Variants in FBXL17 observed in about 807,000 individuals in gnomAD.
FBXL17 encodes the protein F-box and leucine rich repeat protein 17.
Under a neutral mutation model 66.2 loss-of-function variants are expected in FBXL17, and 22 were observed. That is an observed-to-expected ratio of 0.33 (90% CI 0.24 to 0.47). The LOEUF (loss-of-function observed/expected upper bound fraction) is 0.47, where lower values mean the gene tolerates loss of function less well. Among genes scored for constraint, FBXL17 ranks in the 20% least tolerant of loss-of-function variants. FBXL17 has a pLI of 1.00. For missense variants in FBXL17, 878 were observed against 948.2 expected, an observed-to-expected ratio of 0.93 and a Z score of 0.97; for synonymous variants, 474 against 400.5, an observed-to-expected ratio of 1.18 and a Z score of -2.19.
chr5:108,220,261 C>T (rs1200028708), intron 5 of FBXL17, among the ~76,000 whole-genome samples: 1 of 152,096 alleles, frequency 6.6e-6, no homozygotes, highest in African/African-American at 2.4e-5. Context: ...ATTCAGTCCT[C>T]TGAAATCTGG....
At chr5:108,148,570 A>G (rs944603948) in intron 6 of FBXL17, among the ~76,000 whole-genome samples, 6 of 152,258 alleles carry the variant, frequency 3.9e-5, no homozygotes, top group Admixed American at 1.3e-4. Context: ...CAAGTCATAG[A>G]GGAATACACA....
At chr5:108,052,067 C>A (rs187993648) in intron 6 of FBXL17, among the ~76,000 whole-genome samples, 8 of 138,172 alleles carry the variant, frequency 5.8e-5, no homozygotes, top group East Asian at 4.4e-4. Flanking sequence ...GAGCCGAGAT[C>A]GTGCCACTGC....
chr5:108,241,966 A>T (rs1755872120), intron 4 of FBXL17, among the ~76,000 whole-genome samples: 1 of 152,156 alleles, frequency 6.6e-6, no homozygotes, highest in Non-Finnish European at 1.5e-5. Flanking sequence ...TCCCAGACCG[A>T]CAAAAGCTGA....
intron 1 of FBXL17, among the ~76,000 whole-genome samples, chr5:108,376,106 T>C (rs1749404286): frequency 6.6e-6 from 1 of 152,162 alleles, no homozygotes; most frequent in Non-Finnish European, 1.5e-5. Context: ...TTCAGAAATA[T>C]AGGAATAAAA....
At chr5:107,955,817 G>T (rs1404925342) in intron 7 of FBXL17, among the ~76,000 whole-genome samples, 2 of 152,092 alleles carry the variant, frequency 1.3e-5, no homozygotes, top group Non-Finnish European at 2.9e-5. Context: ...AATAAGTTGT[G>T]TCTACTAATT....
At chr5:108,305,835 C>T (rs928388521) in intron 4 of FBXL17, among the ~76,000 whole-genome samples, 3 of 152,184 alleles carry the variant, frequency 2.0e-5, no homozygotes, top group African/African-American at 7.2e-5. Flanking sequence ...AACATCCATC[C>T]GTTTTATCAC....
chr5:108,173,379 C>G (rs1752678825), intron 6 of FBXL17, among the ~76,000 whole-genome samples: 1 of 151,412 alleles, frequency 6.6e-6, no homozygotes, highest in South Asian at 2.1e-4. Context: ...GCACATGTAC[C>G]CTAGAACTTA....
chr5:108,221,574 A>G (rs1337388354), intron 5 of FBXL17, among the ~76,000 whole-genome samples: 1 of 152,164 alleles, frequency 6.6e-6, no homozygotes, highest in African/African-American at 2.4e-5. Context: ...TGTATTAAAG[A>G]GATTTTCTAA....
chr5:108,370,667 TG>T (rs1461437614), intron 1 of FBXL17, among the ~76,000 whole-genome samples: 1 of 151,070 alleles, frequency 6.6e-6, no homozygotes, highest in East Asian at 1.9e-4. Flanking sequence ...CATTTGAACC[TG>T]GAAGGCGAAG....
chr5:107,914,583 G>C (rs532481205), intron 7 of FBXL17, among the ~76,000 whole-genome samples: 1 of 152,208 alleles, frequency 6.6e-6, no homozygotes, highest in Non-Finnish European at 1.5e-5. Context: ...AAGCACACTT[G>C]TGTATTCCAT....
intron 6 of FBXL17, among the ~76,000 whole-genome samples, chr5:108,172,225 T>C (rs1236431467): frequency 6.6e-6 from 1 of 152,194 alleles, no homozygotes. Context: ...TCTGAGCTTA[T>C]TCACATGTTG....
intron 3 of FBXL17, among the ~76,000 whole-genome samples, chr5:108,358,306 T>C (rs1748125484): frequency 6.6e-6 from 1 of 152,172 alleles, no homozygotes; most frequent in Non-Finnish European, 1.5e-5. Flanking sequence ...ATGTCAGCTG[T>C]GGGTTTGTCA....
intron 4 of FBXL17, among the ~76,000 whole-genome samples, chr5:108,250,423 ATAAT>A (rs1258447910): frequency 6.6e-6 from 1 of 152,146 alleles, no homozygotes; most frequent in Non-Finnish European, 1.5e-5. Flanking sequence ...AAGGCAATAA[ATAAT>A]TATTAATAAT....
chr5:108,283,607 T>C (rs541983387), intron 4 of FBXL17, among the ~76,000 whole-genome samples: 2 of 151,992 alleles, frequency 1.3e-5, no homozygotes, highest in African/African-American at 4.8e-5. Context: ...AAAACTCTTC[T>C]GGACATTGAT....
chr5:107,870,714 T>C (rs1369427105), intron 8 of FBXL17, among the ~76,000 whole-genome samples: 2 of 151,860 alleles, frequency 1.3e-5, no homozygotes, highest in Non-Finnish European at 2.9e-5. Context: ...GCCTCCCAAG[T>C]AGCTGGGACT....
intron 6 of FBXL17, among the ~76,000 whole-genome samples, chr5:108,103,659 T>A (rs983966623): frequency 2.6e-5 from 4 of 152,230 alleles, no homozygotes; most frequent in African/African-American, 7.2e-5. Flanking sequence ...CTTTTTATTT[T>A]TCAACTGTTT....
chr5:108,134,386 T>A (rs983255209), intron 6 of FBXL17, among the ~76,000 whole-genome samples: 1 of 152,212 alleles, frequency 6.6e-6, no homozygotes, highest in African/African-American at 2.4e-5. Context: ...TTTTTACTTC[T>A]ATAATTTAAT....
chr5:108,221,516 T>C (rs1421044318), intron 5 of FBXL17, among the ~76,000 whole-genome samples: 2 of 152,182 alleles, frequency 1.3e-5, no homozygotes, highest in African/African-American at 2.4e-5. Flanking sequence ...TTTATGCTCT[T>C]TGCCTCTCTC....
intron 4 of FBXL17, among the ~76,000 whole-genome samples, chr5:108,315,330 T>C: frequency 6.6e-6 from 1 of 151,336 alleles, no homozygotes; most frequent in African/African-American, 2.4e-5. Flanking sequence ...AATAGTAACA[T>C]CATCAAGATT....
Sources: gnomAD v4.1 joint callset for allele counts (sites outside exome capture counted in the v4.1 genomes callset) on GRCh38, gnomAD v4.1.1 for gene constraint, MANE v1.5 for transcripts, NCBI Gene and HGNC (gene_info 2026-07-23, HGNC 2026-07-21) for gene names.